SAMD4A: variants seen among roughly 807,000 people sequenced by gnomAD.
SAMD4A encodes the protein sterile alpha motif domain containing 4A.
In SAMD4A, 33 loss-of-function variants were observed where a neutral mutation model predicts 81.3. The ratio of observed to expected loss-of-function variants is 0.41; its 90% CI spans 0.31 to 0.54. The LOEUF (loss-of-function observed/expected upper bound fraction) is 0.54. Among genes scored for constraint, SAMD4A ranks in the 20% least tolerant of loss-of-function variants. The pLI, the probability that SAMD4A is intolerant of heterozygous loss-of-function variation, is 0.37. For missense variants in SAMD4A, 854 were observed against 951.1 expected (o/e 0.90, Z 1.34); for synonymous variants, 389 against 382.1 (o/e 1.02, Z -0.21).
chr14:54,607,548 T>C (rs575713012), intron 2 of SAMD4A, among the ~76,000 whole-genome samples: 19 of 151,412 alleles, frequency 1.3e-4, no homozygotes, highest in Admixed American at 6.6e-4. Context: ...CTCCGCCTCC[T>C]GGGTTCATGC....
intron 2 of SAMD4A, among the ~76,000 whole-genome samples, chr14:54,685,278 C>CG (rs889737804): frequency 2.7e-5 from 4 of 147,238 alleles, no homozygotes; most frequent in East Asian, 2.1e-4. Context: ...CTTCCTGCCC[C>CG]CCCCCCCAGC....
intron 2 of SAMD4A, among the ~76,000 whole-genome samples, chr14:54,595,397 A>G (rs2033884894): frequency 6.7e-6 from 1 of 149,190 alleles, no homozygotes; most frequent in Admixed American, 6.7e-5. Flanking sequence ...TGCCATATAT[A>G]TATATGTATA....
At position 54,752,919 on chromosome 14, in the gene SAMD4A, G is replaced by T. The variant is rs1484078986; in HGVS notation, c.1176+1382G>T. 2.0e-5 allele frequency among the ~76,000 whole-genome samples: 3 copies of T among 152,354 alleles called. No homozygotes were observed. The East Asian group carries it at 5.8e-4, about 29-fold the overall frequency. ...GAAGGTACTATGACTGGACGTACAC[G>T]TAAGCCAGATTTATGTTTCTCTCCA... On this transcript the variant is annotated intron_variant, in intron 6 of 12. Coordinates refer to ENST00000554335, the MANE Select transcript of SAMD4A (RefSeq NM_015589.6).
intron 2 of SAMD4A, among the ~76,000 whole-genome samples, chr14:54,655,838 T>G (rs1218423173): frequency 6.6e-6 from 1 of 152,190 alleles, no homozygotes; most frequent in Admixed American, 6.5e-5. Context: ...TTTGTGGTAT[T>G]GGGCAACTTA....
At chr14:54,747,890 G>A (rs59450022) in intron 4 of SAMD4A, among the ~76,000 whole-genome samples, 255 of 152,276 alleles carry the variant, frequency 1.7e-3, no homozygotes, top group African/African-American at 5.8e-3. Flanking sequence ...CACAAACTCT[G>A]ACTGAAAGAA....
At chr14:54,762,456 G>A (rs571325693) in intron 7 of SAMD4A, among the ~76,000 whole-genome samples, 15 of 152,312 alleles carry the variant, frequency 9.8e-5, no homozygotes, top group African/African-American at 3.6e-4. Flanking sequence ...TGGAGGAGAT[G>A]ACTCACAGCT....
chr14:54,662,886 G>A (rs1177556187), intron 2 of SAMD4A, among the ~76,000 whole-genome samples: 2 of 152,152 alleles, frequency 1.3e-5, no homozygotes, highest in Non-Finnish European at 2.9e-5. Flanking sequence ...GGATGCCCTG[G>A]GAAGTTCTGC....
intron 2 of SAMD4A, among the ~76,000 whole-genome samples, chr14:54,668,261 T>C (rs762972767): frequency 4.6e-5 from 7 of 152,252 alleles, no homozygotes; most frequent in Admixed American, 1.3e-4. Flanking sequence ...CATCTCCCAA[T>C]CTCCAAGCCA....
At chr14:54,750,094 T>C (rs1301487066) in intron 5 of SAMD4A, among the ~76,000 whole-genome samples, 4 of 152,158 alleles carry the variant, frequency 2.6e-5, no homozygotes, top group African/African-American at 9.7e-5. Context: ...GATGAGAGCT[T>C]TTCTAAGAGC....
chr14:54,659,260 T>G (rs1476471703), intron 2 of SAMD4A, among the ~76,000 whole-genome samples: 1 of 152,206 alleles, frequency 6.6e-6, no homozygotes, highest in Non-Finnish European at 1.5e-5. Flanking sequence ...GCTTGAGGAC[T>G]GATGAGATCA....
chr14:54,687,101 G>C (rs2036292653), intron 2 of SAMD4A, among the ~76,000 whole-genome samples: 1 of 152,100 alleles, frequency 6.6e-6, no homozygotes. Flanking sequence ...TCCTCCAAAG[G>C]CTCTACCCAT....
intron 2 of SAMD4A, among the ~76,000 whole-genome samples, chr14:54,592,760 T>G (rs966982328): frequency 6.6e-6 from 1 of 152,212 alleles, no homozygotes; most frequent in African/African-American, 2.4e-5. Context: ...CACCCGGCCA[T>G]TGTTAACACA....
At chr14:54,620,779 A>G (rs911945495) in intron 2 of SAMD4A, among the ~76,000 whole-genome samples, 1 of 152,154 alleles carries the variant, frequency 6.6e-6, no homozygotes, top group African/African-American at 2.4e-5. Flanking sequence ...TTTATTTTAG[A>G]GACAGAGTCT....
chr14:54,598,536 G>T (rs1397984665), intron 2 of SAMD4A, among the ~76,000 whole-genome samples: 2 of 152,110 alleles, frequency 1.3e-5, no homozygotes, highest in Non-Finnish European at 2.9e-5. Context: ...ATAACATATT[G>T]TAATGCACTT....
At chr14:54,653,539 G>GA (rs955098102) in intron 2 of SAMD4A, among the ~76,000 whole-genome samples, 12 of 151,586 alleles carry the variant, frequency 7.9e-5, no homozygotes, top group Admixed American at 4.6e-4. Context: ...AGGATTTCAC[G>GA]ATGTTGGCCA....
intron 2 of SAMD4A, among the ~76,000 whole-genome samples, chr14:54,645,860 C>G (rs2035276138): frequency 6.6e-6 from 1 of 152,232 alleles, no homozygotes; most frequent in Admixed American, 6.5e-5. Flanking sequence ...TTGCCTGTAT[C>G]TTTCCTTGCC....
At chr14:54,643,297 A>C (rs556538839) in intron 2 of SAMD4A, among the ~76,000 whole-genome samples, 1 of 152,360 alleles carries the variant, frequency 6.6e-6, no homozygotes, top group South Asian at 2.1e-4. Flanking sequence ...CCTCATGATG[A>C]GCCTAACTCA....
rs550356917 is a variant in SAMD4A at position 54,695,236 on chromosome 14, T to C, written c.197-6826T>C. ...ACATAACAACAAGTTATCTCAGTTT[T>C]CTGAGGGTCAGCAATTTAGAACAGC... is the stretch of plus-strand genomic sequence containing the variant. On this transcript the variant is annotated intron_variant, in intron 2 of 12. Coordinates refer to ENST00000554335, the MANE Select transcript of SAMD4A (RefSeq NM_015589.6). Among the ~76,000 whole-genome samples, 5 of 152,354 alleles carry C rather than the reference T, an allele frequency of 3.3e-5. No individual in the cohort carries two copies. The South Asian group carries it at 1.0e-3, about 32-fold the overall frequency.
At chr14:54,599,259 G>A (rs2033992349) in intron 2 of SAMD4A, among the ~76,000 whole-genome samples, 1 of 151,952 alleles carries the variant, frequency 6.6e-6, no homozygotes, top group Non-Finnish European at 1.5e-5. Flanking sequence ...CCCTATATAT[G>A]GAGTAATAAA....
Sources: allele counts gnomAD v4.1 joint callset (sites outside exome capture counted in the v4.1 genomes callset), GRCh38; gene constraint gnomAD v4.1.1; transcripts MANE v1.5; gene names NCBI Gene and HGNC (gene_info 2026-07-23, HGNC 2026-07-21).